Variants in HPN observed in about 807,000 individuals in gnomAD.
HPN encodes the protein serine protease hepsin.
A neutral mutation model predicts 55.9 loss-of-function variants in HPN; 13 were observed. The ratio of observed to expected loss-of-function variants is 0.23; its 90% CI spans 0.15 to 0.37. The LOEUF is 0.37. Ranked by LOEUF, HPN falls within the 10% of genes least tolerant of loss-of-function variation. HPN has a pLI of 1.00. For missense variants in HPN, 451 were observed against 575.8 expected (o/e 0.78, Z 2.22); for synonymous variants, 225 against 240.3 (o/e 0.94, Z 0.59).
intron 4 of HPN, among the ~76,000 whole-genome samples, chr19:35,058,551 TCTA>T (rs2064483276): frequency 6.8e-6 from 1 of 147,156 alleles, no homozygotes. Flanking sequence ...AGTATTATAT[TCTA>T]ATAATATATT....
At chr19:35,042,638 G>C in intron 2 of HPN, 116 bp downstream of exon 2, 1 of 661,776 alleles carries the variant, frequency 1.5e-6, no homozygotes, top group Non-Finnish European at 2.3e-6. Context: ...CCTCCCAGAT[G>C]CATCCCCACC....
intron 4 of HPN, among the ~76,000 whole-genome samples, chr19:35,057,588 A>C (rs1314237315): frequency 6.6e-6 from 1 of 152,206 alleles, no homozygotes; most frequent in Non-Finnish European, 1.5e-5. Context: ...TTTAATTTAA[A>C]GATATAAATG....
At chr19:35,065,409 G>A in intron 10 of HPN, 64 bp downstream of exon 10, 1 of 1,565,112 alleles carries the variant, frequency 6.4e-7, no homozygotes, top group Non-Finnish European at 8.8e-7. Flanking sequence ...CTGGGGATGG[G>A]CAGTCTGGCT....
intron 4 of HPN, among the ~76,000 whole-genome samples, chr19:35,056,350 C>T (rs936601000): frequency 3.9e-5 from 6 of 152,232 alleles, no homozygotes; most frequent in African/African-American, 7.2e-5. Context: ...CCACAGGGGT[C>T]GGGGTTTTTG....
chr19:35,058,262 C>A (rs1344833672), intron 4 of HPN, among the ~76,000 whole-genome samples: 2 of 150,338 alleles, frequency 1.3e-5, no homozygotes, highest in African/African-American at 4.8e-5. Flanking sequence ...TCACTGCAAC[C>A]TCTGCTGCCC....
intron 4 of HPN, among the ~76,000 whole-genome samples, chr19:35,052,997 CA>C (rs2064420036): frequency 6.6e-6 from 1 of 152,142 alleles, no homozygotes; most frequent in African/African-American, 2.4e-5. Flanking sequence ...AACAAACAAA[CA>C]AAAACAACCC....
chr19:35,048,832 G>C (rs985133301), intron 2 of HPN, among the ~76,000 whole-genome samples: 1 of 152,178 alleles, frequency 6.6e-6, no homozygotes, highest in African/African-American at 2.4e-5. Flanking sequence ...GATTTAGGGG[G>C]TATCTAGGGG....
intron 2 of HPN, 99 bp from the exon 3 acceptor site, chr19:35,049,191 T>G: frequency 1.3e-6 from 1 of 782,268 alleles, no homozygotes; most frequent in Non-Finnish European, 1.9e-6. Context: ...TTGGGCATAA[T>G]AAGTTAGCCC....
rs1282314924 is a variant in HPN at position 35,049,278 on chromosome 19, T to A, written c.17-12T>A. 1.3e-6 allele frequency: 2 copies of A among 1,519,080 alleles called. No homozygotes were observed. The highest frequency in any genetic ancestry group is 1.8e-6 in the Non-Finnish European group (2 of 1,130,508). The allele number at this position is 1,519,080 out of a possible 1,614,324, so 94.1% of individuals were successfully genotyped here. On this transcript the variant is annotated splice_polypyrimidine_tract_variant and intron_variant, in intron 2 of 12. Transcript: ENST00000672452. ...AGGCCTGGCTGTGGCCCCAGCATGG[T>A]GTCTGTTGCAGGTGGCCGGACTGTG...
At position 35,059,666 on chromosome 19, in the gene HPN, C is replaced by A; in HGVS notation, c.161-7C>A. ...CCCAGGCGGCCCCGGGCCCTGTCGC[C>A]CTGCAGTGCAGGTCAGCTCTGCGGA... On this transcript the variant is annotated splice_region_variant and splice_polypyrimidine_tract_variant and intron_variant, in intron 4 of 12. Transcript: ENST00000672452. The A allele has an allele frequency of 6.3e-7, 1 of 1,592,484 alleles. No individual in the cohort carries two copies. Among genetic ancestry groups the A allele is most frequent in the Non-Finnish European group, 8.5e-7 (1 of 1,170,234 alleles).
Position 35,066,290 on chromosome 19 carries a change from G to T in HPN, c.*3G>T. 1.2e-6 allele frequency: 2 copies of T among 1,611,210 alleles called. No individual in the cohort carries two copies. The highest frequency in any genetic ancestry group is 1.7e-6 in the Non-Finnish European group (2 of 1,178,818). On this transcript the variant is annotated 3_prime_UTR_variant, in exon 13 of 13. Coordinates refer to ENST00000672452, the MANE Select transcript of HPN (RefSeq NM_001384133.1). ...GCGGCATGGTGACCCAGCTCTGACC[G>T]GTGGCTTCTCGCTGCGCAGCCTCCA...
chr19:35,049,857 G>GTTTTTTTTTTTTTT (rs1245207536), intron 4 of HPN, among the ~76,000 whole-genome samples: 1 of 82,710 alleles, frequency 1.2e-5, no homozygotes. Context: ...GCTAATTTTT[G>GTTTTTTTTTTTTTT]TTTGTTTTTT....
At chr19:35,058,369 G>A (rs2064480190) in intron 4 of HPN, among the ~76,000 whole-genome samples, 1 of 148,856 alleles carries the variant, frequency 6.7e-6, no homozygotes, top group Non-Finnish European at 1.5e-5. Context: ...TCATAGAGAC[G>A]AGGTTTCATC....
chr19:35,041,471 C>T (rs567351523), upstream of HPN, among the ~76,000 whole-genome samples: 5 of 152,186 alleles, frequency 3.3e-5, no homozygotes, highest in African/African-American at 9.6e-5. Flanking sequence ...GGTCAGACCC[C>T]CACCCTTCAG....
intron 2 of HPN, among the ~76,000 whole-genome samples, chr19:35,047,541 T>C (rs1288625400): frequency 6.6e-6 from 1 of 152,160 alleles, no homozygotes; most frequent in Non-Finnish European, 1.5e-5. Flanking sequence ...TCCTTGTTAA[T>C]GTCTCCCACT....
At chr19:35,044,678 C>A (rs1459564217) in intron 2 of HPN, among the ~76,000 whole-genome samples, 3 of 152,084 alleles carry the variant, frequency 2.0e-5, no homozygotes, top group African/African-American at 7.2e-5. Flanking sequence ...GAAACATACT[C>A]CCAAATCTCT....
chr19:35,056,799 G>C (rs562733304), intron 4 of HPN, among the ~76,000 whole-genome samples: 16 of 152,316 alleles, frequency 1.1e-4, no homozygotes, highest in African/African-American at 3.8e-4. Context: ...CGCTTGCTGA[G>C]TGAATGAATG....
intron 2 of HPN, 106 bp downstream of exon 2, chr19:35,042,628 C>T: frequency 2.4e-6 from 2 of 841,050 alleles, no homozygotes; most frequent in South Asian, 3.2e-5. Context: ...TCTGGGCACC[C>T]CTCCCAGATG....
upstream of HPN, chr19:35,041,543 G>A (rs909020830): frequency 3.8e-6 from 3 of 781,914 alleles, no homozygotes; most frequent in Admixed American, 6.3e-5. Context: ...CCACATCCCC[G>A]CAGACAGGCA....
Sources: allele counts gnomAD v4.1 joint callset (sites outside exome capture counted in the v4.1 genomes callset), GRCh38; gene constraint gnomAD v4.1.1; transcripts MANE v1.5; gene names NCBI Gene and HGNC (gene_info 2026-07-23, HGNC 2026-07-21).